Variants in COL8A1 observed in about 807,000 individuals in gnomAD.
COL8A1 encodes collagen type VIII alpha 1 chain.
A neutral mutation model predicts 42.7 loss-of-function variants in COL8A1; 21 were observed. That is an observed-to-expected ratio of 0.49 (90% CI 0.35 to 0.71). The LOEUF is 0.71. COL8A1 is among the 30% of genes least tolerant of loss of function. The pLI is 0.01. For synonymous variants in COL8A1, 367 were observed against 369.1 expected, an observed-to-expected ratio of 0.99 and a Z score of 0.06; for missense variants, 788 against 962.4, an observed-to-expected ratio of 0.82 and a Z score of 2.40.
chr3:99,725,513 C>T (rs1020940898), intron 1 of COL8A1, among the ~76,000 whole-genome samples: 10 of 150,454 alleles, frequency 6.6e-5, no homozygotes, highest in African/African-American at 2.4e-4. Context: ...GTGCTGCACC[C>T]ATTAACTTGT....
In COL8A1 at chr3:99,794,065, C is replaced by A. The variant is rs1273314438; in HGVS notation, c.329-165C>A. On this transcript the variant is annotated intron_variant, in intron 3 of 3. Coordinates refer to ENST00000652472, the MANE Select transcript of COL8A1 (RefSeq NM_020351.4). This position sits in a 1 kb window ranked among gnomAD's most constrained non-coding sequence, Gnocchi z 4.3. Reference sequence around the variant, plus strand: ...CCATGCCAGGCCTGATTTTTAAGGTCTAGAAGATGAGCATATTATTCCTAG... The same window carrying A: ...CCATGCCAGGCCTGATTTTTAAGGTATAGAAGATGAGCATATTATTCCTAG... Among the ~76,000 whole-genome samples the A allele has an allele frequency of 1.3e-5, 2 of 152,162 alleles. No individual in the cohort carries two copies. The highest frequency in any genetic ancestry group is 2.9e-5 in the Non-Finnish European group (2 of 68,022).
intron 1 of COL8A1, among the ~76,000 whole-genome samples, chr3:99,725,125 G>T (rs539097129): frequency 5.3e-5 from 8 of 151,950 alleles, no homozygotes; most frequent in Admixed American, 3.9e-4. Context: ...GAGCAATTCT[G>T]GGGGGAGTGC....
At chr3:99,742,168 T>C (rs1281540321) in intron 1 of COL8A1, among the ~76,000 whole-genome samples, 1 of 152,228 alleles carries the variant, frequency 6.6e-6, no homozygotes, top group Non-Finnish European at 1.5e-5. Context: ...AGTATTGTAG[T>C]TGCATTAATT....
At chr3:99,644,397 A>G (rs1937604622) in intron 1 of COL8A1, among the ~76,000 whole-genome samples, 1 of 152,202 alleles carries the variant, frequency 6.6e-6, no homozygotes, top group African/African-American at 2.4e-5. Flanking sequence ...CTGCTAAAAT[A>G]ACAACACAAT....
chr3:99,670,768 C>T (rs1938517839), intron 1 of COL8A1, among the ~76,000 whole-genome samples: 1 of 152,058 alleles, frequency 6.6e-6, no homozygotes, highest in Admixed American at 6.6e-5. Context: ...CCTCCCTCCC[C>T]ATACCCTCAG....
chr3:99,733,396 G>C (rs1483635273), intron 1 of COL8A1, among the ~76,000 whole-genome samples: 2 of 139,320 alleles, frequency 1.4e-5, no homozygotes, highest in South Asian at 2.4e-4. Flanking sequence ...AGAATATGTG[G>C]TGTTTGGTTT....
intron 1 of COL8A1, among the ~76,000 whole-genome samples, chr3:99,668,390 G>T (rs1407566598): frequency 6.6e-6 from 1 of 152,040 alleles, no homozygotes; most frequent in Non-Finnish European, 1.5e-5. Flanking sequence ...CCCCCTTGGG[G>T]ATTTCTTTTA....
At chr3:99,721,368 A>AC (rs1553676341) in intron 1 of COL8A1, among the ~76,000 whole-genome samples, 1 of 83,748 alleles carries the variant, frequency 1.2e-5, no homozygotes, top group Non-Finnish European at 2.5e-5. Context: ...CACAATTTAG[A>AC]CAAAAAAAAA....
At chr3:99,716,852 C>A (rs964831604) in intron 1 of COL8A1, among the ~76,000 whole-genome samples, 2 of 151,944 alleles carry the variant, frequency 1.3e-5, no homozygotes, top group Admixed American at 1.3e-4. Flanking sequence ...TTGTTCAGTC[C>A]CGTTTAAATT....
chr3:99,684,599 A>G (rs1938992191), intron 1 of COL8A1, among the ~76,000 whole-genome samples: 1 of 152,222 alleles, frequency 6.6e-6, no homozygotes, highest in Non-Finnish European at 1.5e-5. Context: ...GACAGTAGTC[A>G]GATCTCAATA....
intron 2 of COL8A1, among the ~76,000 whole-genome samples, chr3:99,782,227 G>A (rs983226327): frequency 1.4e-4 from 22 of 152,070 alleles, no homozygotes; most frequent in African/African-American, 5.3e-4. Context: ...TTGACCAGAG[G>A]AATATTTAAG....
chr3:99,668,651 C>A (rs1938437368), intron 1 of COL8A1, among the ~76,000 whole-genome samples: 1 of 151,870 alleles, frequency 6.6e-6, no homozygotes, highest in Non-Finnish European at 1.5e-5. Context: ...AAAACCTGAC[C>A]CTCAGAACTT....
rs1942142964 is a variant in COL8A1, at chr3:99,798,627, TG to T, written c.*2492del. The T allele has an allele frequency of 2.0e-5, 3 of 151,774 alleles. No individual in the cohort carries two copies. Among genetic ancestry groups the T allele is most frequent in the Non-Finnish European group, 2.9e-5 (2 of 67,910 alleles). The allele number at this position is 151,774 out of a possible 1,614,324, so 9.4% of individuals were successfully genotyped here. A position where few individuals can be genotyped will look rare whatever the true frequency, so the allele number is the denominator to read the frequency against. ...CTATATATATATATATATGTGTGTG[TG>T]TGTGTGTGTGCGCGTGAGCGCACGT... On this transcript the variant is annotated 3_prime_UTR_variant, in exon 4 of 4. Coordinates refer to ENST00000652472, the MANE Select transcript of COL8A1 (RefSeq NM_020351.4).
Position 99,680,634 on chromosome 3 carries a change from T to A in COL8A1, c.-129+41970T>A, listed in dbSNP as rs1466634206. Reference sequence around the variant, plus strand: ...CCAACAGTGTAAAAGTATTCCTATTTCTCCACATCCTCTCCAGCACCTGTT... The same window carrying A: ...CCAACAGTGTAAAAGTATTCCTATTACTCCACATCCTCTCCAGCACCTGTT... On this transcript the variant is annotated intron_variant, in intron 1 of 3. Transcript: ENST00000652472. Among the ~76,000 whole-genome samples, 3 of 152,172 alleles carry A rather than the reference T, an allele frequency of 2.0e-5. No individual in the cohort carries two copies. In the East Asian group the frequency reaches 5.8e-4, roughly 29 times the overall value.
At chr3:99,790,366 T>G (rs1423917938) in intron 2 of COL8A1, among the ~76,000 whole-genome samples, 1 of 152,220 alleles carries the variant, frequency 6.6e-6, no homozygotes, top group African/African-American at 2.4e-5. Context: ...GTCTTCATTC[T>G]GGGCTGCTCT....
rs144518762 is a variant in COL8A1, at chr3:99,790,969, C to T, written c.287C>T (p.Ala96Val). 1.7e-4 allele frequency: 270 copies of T among 1,613,336 alleles called. No individual in the cohort carries two copies. The East Asian group carries it at 5.5e-3, about 33-fold the overall frequency. The change falls in exon 3 of 4, where the codon GCG becomes GTG. Residue 96 changes from alanine to valine, a missense_variant. By Grantham distance (64) the Ala-to-Val change is moderately conservative. Coordinates refer to ENST00000652472, the MANE Select transcript of COL8A1 (RefSeq NM_020351.4). ...CAATATATGAAGGAAATTCAACCGG[C>T]GCCAAGAATGGGCAAGGAAGCCGTA... The part of the protein sequence containing the change: ...LPQYMKEIQP[A>V]PRMGKEAVPK...
At chr3:99,688,402 T>C (rs573767429) in intron 1 of COL8A1, among the ~76,000 whole-genome samples, 7 of 152,284 alleles carry the variant, frequency 4.6e-5, no homozygotes, top group Admixed American at 2.6e-4. Flanking sequence ...TGGACTCTTC[T>C]TCCAACTTCA....
At chr3:99,758,473 T>C (rs894987222) in intron 2 of COL8A1, among the ~76,000 whole-genome samples, 2 of 152,140 alleles carry the variant, frequency 1.3e-5, no homozygotes, top group Admixed American at 1.3e-4. Context: ...TTATGAGGTG[T>C]TCTTTGCAGT....
chr3:99,640,690 T>A (rs1208487413), intron 1 of COL8A1, among the ~76,000 whole-genome samples: 10 of 152,204 alleles, frequency 6.6e-5, no homozygotes, highest in Admixed American at 6.5e-4. Context: ...TTGCTCATGA[T>A]CTAAGTTTCC....
Sources: gnomAD v4.1 joint callset for allele counts (sites outside exome capture counted in the v4.1 genomes callset) on GRCh38, gnomAD v4.1.1 for gene constraint, Gnocchi (gnomAD v3.1) non-coding constraint, MANE v1.5 for transcripts, NCBI Gene and HGNC (gene_info 2026-07-23, HGNC 2026-07-21) for gene names.